Variants in IMMP2L observed in about 807,000 individuals in gnomAD.
IMMP2L encodes the protein inner mitochondrial membrane peptidase subunit 2, also known as mitochondrial inner membrane protease subunit 2.
A neutral mutation model predicts 19.3 loss-of-function variants in IMMP2L; 18 were observed. The observed-to-expected ratio is 0.93, with a 90% confidence interval of 0.64 to 1.38. IMMP2L has a LOEUF of 1.38. IMMP2L is among the 40% of genes most tolerant of loss of function. The pLI is 0.00. For synonymous variants in IMMP2L, 76 were observed against 73.0 expected, an observed-to-expected ratio of 1.04 and a Z score of -0.21; for missense variants, 233 against 218.2, an observed-to-expected ratio of 1.07 and a Z score of -0.43.
At chr7:111,547,756 T>G (rs369212236) in intron 1 of IMMP2L, among the ~76,000 whole-genome samples, 6 of 150,898 alleles carry the variant, frequency 4.0e-5, no homozygotes, top group African/African-American at 1.5e-4. Flanking sequence ...GGTCTCACTG[T>G]GTTGCCCAGG....
chr7:110,931,885 C>T (rs1181261760), intron 4 of IMMP2L, among the ~76,000 whole-genome samples: 1 of 152,140 alleles, frequency 6.6e-6, no homozygotes, highest in African/African-American at 2.4e-5. Flanking sequence ...AGACCAATCT[C>T]ATTAGCACCT....
intron 5 of IMMP2L, among the ~76,000 whole-genome samples, chr7:110,847,302 G>T (rs1427496483): frequency 6.6e-6 from 1 of 152,154 alleles, no homozygotes; most frequent in East Asian, 1.9e-4. Flanking sequence ...AGGAAAAAAA[G>T]TAGTGTAATA....
intron 3 of IMMP2L, among the ~76,000 whole-genome samples, chr7:111,161,199 A>G (rs2129606793): frequency 6.6e-6 from 1 of 152,048 alleles, no homozygotes; most frequent in Non-Finnish European, 1.5e-5. Flanking sequence ...AGAATGAGGG[A>G]GAAGGGCATG....
At chr7:111,138,011 G>A (rs1435822643) in intron 3 of IMMP2L, among the ~76,000 whole-genome samples, 1 of 151,638 alleles carries the variant, frequency 6.6e-6, no homozygotes, top group Non-Finnish European at 1.5e-5. Context: ...GGTTTTTTTT[G>A]TACAAATGGG....
At chr7:110,957,903 C>A (rs191898698) in intron 4 of IMMP2L, among the ~76,000 whole-genome samples, 93 of 152,056 alleles carry the variant, frequency 6.1e-4, no homozygotes, top group Middle Eastern at 3.4e-3. Flanking sequence ...ACTTCTTACC[C>A]ATGACATTGC....
In IMMP2L at chr7:110,945,693, C is replaced by T. The variant is rs1407487554; in HGVS notation, c.305+17807G>A. On this transcript the variant is annotated intron_variant, in intron 4 of 5. Transcript: ENST00000405709. ...CAAAGGTCCTCAGATTATTGTCAGC[C>T]GCTTTCCATTTTTCTAAAGCCTTGT... Among the ~76,000 whole-genome samples the T allele has an allele frequency of 3.3e-5, 5 of 151,450 alleles. No homozygotes were observed. In the South Asian group the frequency reaches 6.2e-4, roughly 19 times the overall value.
Position 110,926,007 on chromosome 7 carries a change from C to T in IMMP2L, c.305+37493G>A, listed in dbSNP as rs143872305. ...ATATTACATCAGATTTAAACATCTG[C>T]AAAAAATATACTAATGATGAAAAGT... On this transcript the variant is annotated intron_variant, in intron 4 of 5. Transcript: ENST00000405709. Among the ~76,000 whole-genome samples the T allele has an allele frequency of 5.0e-3, 760 of 152,008 alleles. 5 individuals are homozygous for T. Among genetic ancestry groups the T allele is most frequent in the Middle Eastern group, 0.017 (5 of 294 alleles).
chr7:110,743,101 T>G (rs1797098439), intron 5 of IMMP2L, among the ~76,000 whole-genome samples: 1 of 152,200 alleles, frequency 6.6e-6, no homozygotes, highest in African/African-American at 2.4e-5. Context: ...ACTGAAAAGC[T>G]TACTGAAAGT....
At chr7:110,978,527 A>C (rs1482569266) in intron 3 of IMMP2L, among the ~76,000 whole-genome samples, 4 of 151,994 alleles carry the variant, frequency 2.6e-5, no homozygotes, top group South Asian at 2.1e-4. Context: ...AAAAAAAATC[A>C]ATACAAAGAA....
chr7:111,284,255 T>A (rs1820243660), intron 3 of IMMP2L, among the ~76,000 whole-genome samples: 2 of 152,182 alleles, frequency 1.3e-5, no homozygotes, highest in Non-Finnish European at 2.9e-5. Flanking sequence ...TTCTTTTGTT[T>A]GCAAATTCAG....
chr7:111,036,137 A>G (rs768823421), intron 3 of IMMP2L, among the ~76,000 whole-genome samples: 29 of 152,210 alleles, frequency 1.9e-4, no homozygotes, highest in Admixed American at 2.6e-4. Flanking sequence ...TTTTAGAACT[A>G]GTAAAAACTT....
chr7:110,678,305 G>T (rs375837250), intron 5 of IMMP2L, among the ~76,000 whole-genome samples: 9 of 151,994 alleles, frequency 5.9e-5, no homozygotes, highest in East Asian at 1.9e-4. Flanking sequence ...TCTGCTGGGG[G>T]TATTATGTTA....
chr7:110,696,965 TAAG>T (rs1793937077), intron 5 of IMMP2L, among the ~76,000 whole-genome samples: 1 of 152,052 alleles, frequency 6.6e-6, no homozygotes, highest in Admixed American at 6.6e-5. Context: ...TGAGGAGAGA[TAAG>T]AAGTGCAGGA....
chr7:111,539,833 C>T (rs1244210589), intron 1 of IMMP2L, among the ~76,000 whole-genome samples: 1 of 152,098 alleles, frequency 6.6e-6, no homozygotes, highest in Non-Finnish European at 1.5e-5. Context: ...CAACTGTCAG[C>T]TTTATAGGCC....
At chr7:110,777,198 C>A (rs1210788121) in intron 5 of IMMP2L, among the ~76,000 whole-genome samples, 1 of 151,996 alleles carries the variant, frequency 6.6e-6, no homozygotes, top group Non-Finnish European at 1.5e-5. Context: ...AGACTGCATT[C>A]TTGTGCAACT....
intron 5 of IMMP2L, among the ~76,000 whole-genome samples, chr7:110,671,101 T>C (rs1242551426): frequency 6.6e-6 from 1 of 152,214 alleles, no homozygotes; most frequent in Non-Finnish European, 1.5e-5. Context: ...CAGTATCTAT[T>C]GAATGTGAAG....
intron 3 of IMMP2L, among the ~76,000 whole-genome samples, chr7:111,030,588 G>A (rs1336471154): frequency 6.6e-6 from 1 of 152,040 alleles, no homozygotes; most frequent in Non-Finnish European, 1.5e-5. Context: ...ATTGCACTGA[G>A]TTGCTATCCC....
At chr7:110,908,358 T>G (rs1812693503) in intron 4 of IMMP2L, among the ~76,000 whole-genome samples, 3 of 152,204 alleles carry the variant, frequency 2.0e-5, no homozygotes, top group Admixed American at 2.0e-4. Flanking sequence ...ACATCTTTCC[T>G]TTAACATGAA....
intron 3 of IMMP2L, among the ~76,000 whole-genome samples, chr7:111,018,550 C>T (rs1436275192): frequency 1.3e-5 from 2 of 152,064 alleles, no homozygotes; most frequent in Non-Finnish European, 1.5e-5. Flanking sequence ...ACACATGTGG[C>T]GCTTTGTGTG....
Sources: gnomAD v4.1 joint callset for allele counts (sites outside exome capture counted in the v4.1 genomes callset) on GRCh38, gnomAD v4.1.1 for gene constraint, MANE v1.5 for transcripts, NCBI Gene and HGNC (gene_info 2026-07-23, HGNC 2026-07-21) for gene names.